The following ANKRD11 variants were observed in gnomAD, a reference collection of about 807,000 sequenced individuals.
ANKRD11 encodes the protein ankyrin repeat domain-containing protein 11.
In ANKRD11, 17 loss-of-function variants were observed where a neutral mutation model predicts 195.7. The ratio of observed to expected loss-of-function variants is 0.09; its 90% CI spans 0.06 to 0.13. The LOEUF (loss-of-function observed/expected upper bound fraction) is 0.13, where lower values mean the gene tolerates loss of function less well. Among genes scored for constraint, ANKRD11 ranks in the 10% least tolerant of loss-of-function variants. ANKRD11 has a pLI of 1.00. For missense variants in ANKRD11, 3,735 were observed against 3,566.1 expected (o/e 1.05, Z -1.21); for synonymous variants, 1,953 against 1,528.1 (o/e 1.28, Z -6.49).
chr16:89,317,152 A>C, intron 2 of ANKRD11, 74 bp from the exon 3 acceptor site: 3 of 1,009,308 alleles, frequency 3.0e-6, no homozygotes, highest in Non-Finnish European at 4.5e-6. Flanking sequence ...CACCGCACTC[A>C]ACAGACTCAG....
rs571482650 is a variant in ANKRD11, at chr16:89,362,394, G to A, written c.-59-45316C>T. 2.6e-5 allele frequency among the ~76,000 whole-genome samples: 4 copies of A among 152,270 alleles called. No homozygotes were observed. The South Asian group carries it at 8.3e-4, about 32-fold the overall frequency. On this transcript the variant is annotated intron_variant, in intron 2 of 12. Coordinates refer to ENST00000301030, the MANE Select transcript of ANKRD11 (RefSeq NM_013275.6). ...AACCAAAACCTGAGCTGGAGAGAGTGCACGAAAGTTCCATCTAGACCCAAA... is the reference window on the plus strand; with the variant it reads ...AACCAAAACCTGAGCTGGAGAGAGTACACGAAAGTTCCATCTAGACCCAAA...
chr16:89,301,466 G>A (rs746702184), intron 4 of ANKRD11: 15 of 398,058 alleles, frequency 3.8e-5, no homozygotes, highest in Non-Finnish European at 6.2e-5. Flanking sequence ...AGACAGGGCA[G>A]GCAGAGCAGG....
chr16:89,281,505 C>G lies in ANKRD11; in HGVS notation c.5037G>C (p.Trp1679Cys), dbSNP rs1238424644. ...CCTCTTTCATGTGAGGGCCTGCCAGCCAGTCTTTGGAGTCTGCACCTGATG... is the reference window on the plus strand; with the variant it reads ...CCTCTTTCATGTGAGGGCCTGCCAGGCAGTCTTTGGAGTCTGCACCTGATG... ...HPASGADSKD[W>C]LAGPHMKEVL... The change falls in exon 9 of 13, where the codon TGG becomes TGC. Residue 1679 changes from tryptophan to cysteine, a missense_variant. Coordinates refer to ENST00000301030, the MANE Select transcript of ANKRD11 (RefSeq NM_013275.6). This position sits in a 1 kb window ranked among gnomAD's most constrained non-coding sequence, Gnocchi z 5.5. The G allele has an allele frequency of 6.2e-7, 1 of 1,614,198 alleles. No individual in the cohort carries two copies. Among genetic ancestry groups the G allele is most frequent in the Admixed American group, 1.7e-5 (1 of 60,030 alleles).
intron 2 of ANKRD11, among the ~76,000 whole-genome samples, chr16:89,346,036 G>A (rs977638950): frequency 2.6e-5 from 4 of 151,860 alleles, no homozygotes; most frequent in African/African-American, 9.7e-5. Flanking sequence ...GAGGTCAAGA[G>A]TTTGAGACCA....
rs558457665 is a variant in ANKRD11, at chr16:89,484,305, G to T, written c.-145+5940C>A. Among the ~76,000 whole-genome samples the T allele has an allele frequency of 3.9e-5, 6 of 152,238 alleles. No individual in the cohort carries two copies. The South Asian group carries it at 6.2e-4, about 16-fold the overall frequency. On this transcript the variant is annotated intron_variant, in intron 1 of 12. Coordinates refer to ENST00000301030, the MANE Select transcript of ANKRD11 (RefSeq NM_013275.6). ...ACTAACAAAGCTTGATTTCTTAAGA[G>T]AAAAATAAGGTCCTTCACTGCGTCT...
intron 1 of ANKRD11, among the ~76,000 whole-genome samples, chr16:89,422,570 C>T (rs146208760): frequency 1.2e-4 from 19 of 152,262 alleles, no homozygotes; most frequent in African/African-American, 3.9e-4. Flanking sequence ...TTCGCGCTGA[C>T]CCAATCGCAC....
At position 89,450,769 on chromosome 16, in the gene ANKRD11, T is replaced by G. The variant is rs543610326; in HGVS notation, c.-144-32401A>C. Among the ~76,000 whole-genome samples the G allele has an allele frequency of 1.9e-4, 29 of 152,320 alleles. No individual in the cohort carries two copies. The South Asian group carries it at 5.2e-3, about 27-fold the overall frequency. On this transcript the variant is annotated intron_variant, in intron 1 of 12. Coordinates refer to ENST00000301030, the MANE Select transcript of ANKRD11 (RefSeq NM_013275.6). ...ACCCCAGCCTCCAAAACTGGCGGGA[T>G]TACAGGCGTGAGCCACCATGCCTGG...
intron 2 of ANKRD11, among the ~76,000 whole-genome samples, chr16:89,398,723 G>A (rs1257449141): frequency 1.3e-5 from 2 of 152,000 alleles, no homozygotes; most frequent in Admixed American, 6.6e-5. Flanking sequence ...CAGCCTCAGT[G>A]ACAGAGAGAG....
At chr16:89,416,161 A>G (rs915659275) in intron 2 of ANKRD11, among the ~76,000 whole-genome samples, 4 of 152,216 alleles carry the variant, frequency 2.6e-5, no homozygotes, top group Non-Finnish European at 5.9e-5. Flanking sequence ...TTCCTATGTC[A>G]TCAAACCTAA....
Position 89,285,971 on chromosome 16 carries a change from A to C in ANKRD11, c.892+68T>G. 5 of 1,610,876 alleles carry C rather than the reference A, an allele frequency of 3.1e-6. No homozygotes were observed. The highest frequency in any genetic ancestry group is 3.4e-6 in the Non-Finnish European group (4 of 1,178,504). ...GCTGATCAGAGGGGCAACACTGTGCAAACACCACAGGGCAGCTCCTACCAT... is the reference window on the plus strand; with the variant it reads ...GCTGATCAGAGGGGCAACACTGTGCCAACACCACAGGGCAGCTCCTACCAT... On this transcript the variant is annotated intron_variant, in intron 8 of 12. Transcript: ENST00000301030. The surrounding 1 kb of genome is among the most constrained non-coding windows in gnomAD (Gnocchi z 5.6).
At chr16:89,391,075 A>C (rs1333434762) in intron 2 of ANKRD11, among the ~76,000 whole-genome samples, 1 of 152,040 alleles carries the variant, frequency 6.6e-6, no homozygotes, top group Non-Finnish European at 1.5e-5. Context: ...AAAAATACAA[A>C]AAATTAGCCG....
At chr16:89,365,701 G>T (rs1287379677) in intron 2 of ANKRD11, among the ~76,000 whole-genome samples, 1 of 152,150 alleles carries the variant, frequency 6.6e-6, no homozygotes, top group Non-Finnish European at 1.5e-5. Flanking sequence ...TGGTCTCTCC[G>T]CAGAAACCCA....
At chr16:89,444,736 G>A (rs747906842) in intron 1 of ANKRD11, among the ~76,000 whole-genome samples, 2 of 152,136 alleles carry the variant, frequency 1.3e-5, no homozygotes, top group Non-Finnish European at 2.9e-5. Flanking sequence ...ATGAGCCCAT[G>A]AGCTCAAGAC....
Position 89,290,735 on chromosome 16 carries a change from C to T in ANKRD11, c.491G>A (p.Arg164Lys). The T allele has an allele frequency of 6.2e-7, 1 of 1,614,034 alleles. No homozygotes were observed. The highest frequency in any genetic ancestry group is 8.5e-7 in the Non-Finnish European group (1 of 1,180,026). ...CAGGCGGGTCTCTCCACGCTCGTTTCTCTTGTTCACTTTATCTTTGGTTTT... is the reference window on the plus strand; with the variant it reads ...CAGGCGGGTCTCTCCACGCTCGTTTTTCTTGTTCACTTTATCTTTGGTTTT... The part of the protein sequence containing the change: ...ASKTKDKVNK[R>K]NERGETRLHR... Residue 164 changes from arginine (R) to lysine (K), a missense_variant, in exon 6 of 13, where the codon AGA becomes AAA. Transcript: ENST00000301030.
Position 89,281,578 on chromosome 16 carries a change from T to A in ANKRD11, c.4964A>T (p.Lys1655Ile). 6.2e-7 allele frequency: 1 copy of A among 1,614,180 alleles called. No homozygotes were observed. Among genetic ancestry groups the A allele is most frequent in the African/African-American group, 1.3e-5 (1 of 75,028 alleles). ...GGCAGGTGGAATAGGAGTCGACTCTTTGAGCTTTTTGTCTTTAAATGGAGG... is the reference window on the plus strand; with the variant it reads ...GGCAGGTGGAATAGGAGTCGACTCTATGAGCTTTTTGTCTTTAAATGGAGG... Reference protein sequence around the residue: ...LDPPFKDKKLKESTPIPPAAE... With the variant: ...LDPPFKDKKLIESTPIPPAAE... Residue 1655 changes from lysine (K) to isoleucine (I), a missense_variant, in exon 9 of 13, where the codon AAA becomes ATA. By Grantham distance (102) the Lys-to-Ile change is moderately radical (BLOSUM62 -3). Coordinates refer to ENST00000301030, the MANE Select transcript of ANKRD11 (RefSeq NM_013275.6). This position sits in a 1 kb window ranked among gnomAD's most constrained non-coding sequence, Gnocchi z 5.5.
At chr16:89,347,433 C>A (rs1567681285) in intron 2 of ANKRD11, among the ~76,000 whole-genome samples, 1 of 152,012 alleles carries the variant, frequency 6.6e-6, no homozygotes, top group African/African-American at 2.4e-5. Context: ...CACGGTGAAA[C>A]CCCGTCTCTA....
chr16:89,271,315 G>A lies in ANKRD11; in HGVS notation c.7714-406C>T, dbSNP rs544000411. On this transcript the variant is annotated intron_variant, in intron 11 of 12. Coordinates refer to ENST00000301030, the MANE Select transcript of ANKRD11 (RefSeq NM_013275.6). Reference sequence around the variant, plus strand: ...TGCAATGGCGCGATCCTGGCTCACCGCAGCCTCCACCTCCAGGGTTCAAGC... The same window carrying A: ...TGCAATGGCGCGATCCTGGCTCACCACAGCCTCCACCTCCAGGGTTCAAGC... 16 of 301,100 alleles carry A rather than the reference G, an allele frequency of 5.3e-5. No individual in the cohort carries two copies. The East Asian group carries it at 1.3e-3, about 24-fold the overall frequency. 18.7% of individuals were successfully genotyped at this position (301,100 alleles called of 1,614,324 possible).
intron 9 of ANKRD11, among the ~76,000 whole-genome samples, chr16:89,275,611 C>T (rs1164130003): frequency 6.6e-6 from 1 of 152,152 alleles, no homozygotes; most frequent in Non-Finnish European, 1.5e-5. Flanking sequence ...AGCCTTTCAA[C>T]CAGGCTGTAA....
At chr16:89,401,610 A>T (rs2041690006) in intron 2 of ANKRD11, among the ~76,000 whole-genome samples, 1 of 152,104 alleles carries the variant, frequency 6.6e-6, no homozygotes, top group African/African-American at 2.4e-5. Flanking sequence ...ATGAGTTGAA[A>T]TGTGTCCCCC....
Sources: allele counts gnomAD v4.1 joint callset (sites outside exome capture counted in the v4.1 genomes callset), GRCh38; gene constraint gnomAD v4.1.1; non-coding constraint Gnocchi (gnomAD v3.1); transcripts MANE v1.5; gene names NCBI Gene and HGNC (gene_info 2026-07-23, HGNC 2026-07-21).